The following C7 variants were observed in gnomAD, a reference collection of about 807,000 sequenced individuals.
C7 encodes complement component C7.
Under a neutral mutation model 104.8 loss-of-function variants are expected in C7, and 83 were observed. The ratio of observed to expected loss-of-function variants is 0.79; its 90% CI spans 0.66 to 0.95. C7 has a LOEUF of 0.95. C7 is among the 40% of genes least tolerant of loss of function. The probability of loss-of-function intolerance (pLI) is 0.00; values close to 1 mark genes in which losing one functional copy is unlikely to be tolerated. For synonymous variants in C7, 415 were observed against 360.6 expected, an observed-to-expected ratio of 1.15 and a Z score of -1.71; for missense variants, 1,070 against 1,011.2, an observed-to-expected ratio of 1.06 and a Z score of -0.79.
chr5:40,945,307 G>A lies in C7; in HGVS notation c.677G>A (p.Arg226Lys). The change falls in exon 7 of 18, where the codon AGA becomes AAA. Residue 226 changes from arginine (R) to lysine (K), a missense_variant. Coordinates refer to ENST00000313164, the MANE Select transcript of C7 (RefSeq NM_000587.4). Reference sequence around the variant, plus strand: ...TCTAGTCGGAAGCGCTCCTTTTTTAGATCTTCATCATCTTCTTCACGCAGT... The same window carrying A: ...TCTAGTCGGAAGCGCTCCTTTTTTAAATCTTCATCATCTTCTTCACGCAGT... ...TSSSRKRSFF[R>K]SSSSSSRSYT... The A allele has an allele frequency of 1.9e-6, 3 of 1,609,108 alleles. No homozygotes were observed. Among genetic ancestry groups the A allele is most frequent in the Non-Finnish European group, 2.5e-6 (3 of 1,177,992 alleles).
In C7 at chr5:40,939,655, C is replaced by T. The variant is rs113406011; in HGVS notation, c.567+1965C>T. Among the ~76,000 whole-genome samples the T allele has an allele frequency of 2.2e-3, 339 of 152,208 alleles. 1 individual carries two copies. The highest frequency in any genetic ancestry group is 7.9e-3 in the African/African-American group (326 of 41,522). ...GATAATTTTTTTTCTCCCTCTATAC[C>T]TTAGAGAATATGTTCCTAATTCTTT... On this transcript the variant is annotated intron_variant, in intron 6 of 17. Transcript: ENST00000313164.
intron 1 of C7, among the ~76,000 whole-genome samples, chr5:40,911,777 T>C (rs1910017): frequency 1 from 149,905 of 149,956 alleles, 74,927 homozygotes; most frequent in Middle Eastern, 1. Flanking sequence ...CTCACTCTGT[T>C]GCCCAGGCTG....
At chr5:40,925,871 A>G (rs1467437276) in intron 1 of C7, among the ~76,000 whole-genome samples, 1 of 152,230 alleles carries the variant, frequency 6.6e-6, no homozygotes, top group African/African-American at 2.4e-5. Context: ...ACCCTTCCAA[A>G]AAATTGAAAA....
intron 1 of C7, among the ~76,000 whole-genome samples, chr5:40,928,189 T>C (rs924545230): frequency 3.9e-5 from 6 of 152,174 alleles, no homozygotes; most frequent in African/African-American, 9.6e-5. Context: ...TTCTCACTTA[T>C]ATGATGTAAA....
intron 3 of C7, among the ~76,000 whole-genome samples, chr5:40,933,909 G>A (rs1013613995): frequency 6.6e-6 from 1 of 150,900 alleles, no homozygotes; most frequent in Admixed American, 6.6e-5. Flanking sequence ...TACCCTCTAA[G>A]CTTTACTCAG....
At chr5:40,970,170 T>C (rs887010418) in intron 14 of C7, among the ~76,000 whole-genome samples, 1 of 152,168 alleles carries the variant, frequency 6.6e-6, no homozygotes, top group Non-Finnish European at 1.5e-5. Context: ...GCTACACTGA[T>C]ATATCTCATT....
chr5:40,964,297 C>T (rs1740495394), intron 13 of C7, among the ~76,000 whole-genome samples: 1 of 151,868 alleles, frequency 6.6e-6, no homozygotes, highest in Non-Finnish European at 1.5e-5. Context: ...CCTGCCTTGG[C>T]CTCCCAAAGG....
intron 9 of C7, among the ~76,000 whole-genome samples, chr5:40,951,721 T>C (rs1006520679): frequency 6.6e-5 from 10 of 152,186 alleles, no homozygotes; most frequent in African/African-American, 2.2e-4. Context: ...CTGAGCAGTA[T>C]CAGAGTTTAA....
At chr5:40,945,642 T>C (rs1175865926) in intron 7 of C7, among the ~76,000 whole-genome samples, 1 of 151,974 alleles carries the variant, frequency 6.6e-6, no homozygotes, top group Admixed American at 6.6e-5. Context: ...GTGGATTGCT[T>C]GAGCTTGAGC....
intron 6 of C7, among the ~76,000 whole-genome samples, chr5:40,943,118 T>C (rs775723581): frequency 5.3e-5 from 8 of 152,208 alleles, no homozygotes; most frequent in Non-Finnish European, 1.2e-4. Flanking sequence ...GCAGGTCATC[T>C]AGGCAAGGAA....
rs921231991 is a variant in C7, at chr5:40,983,774, T to C, written c.*2201T>C. Among the ~76,000 whole-genome samples, 7 of 152,194 alleles carry C rather than the reference T, an allele frequency of 4.6e-5. No individual in the cohort carries two copies. The highest frequency in any genetic ancestry group is 5.9e-5 in the Non-Finnish European group (4 of 68,034). Reference sequence around the variant, plus strand: ...TTTGAGGAAAGTTAAGGGAATGATTTTATACCACAAAAATAAATGGAAAAA... The same window carrying C: ...TTTGAGGAAAGTTAAGGGAATGATTCTATACCACAAAAATAAATGGAAAAA... On this transcript the variant is annotated 3_prime_UTR_variant, in exon 18 of 18. Coordinates refer to ENST00000313164, the MANE Select transcript of C7 (RefSeq NM_000587.4).
At chr5:40,964,314 A>G (rs1740495691) in intron 13 of C7, among the ~76,000 whole-genome samples, 1 of 151,996 alleles carries the variant, frequency 6.6e-6, no homozygotes, top group African/African-American at 2.4e-5. Context: ...AAGGGCTAGA[A>G]TTACAGGCAT....
intron 13 of C7, among the ~76,000 whole-genome samples, chr5:40,964,019 A>AGTTTT (rs1249457358): frequency 1.1e-5 from 1 of 87,656 alleles, no homozygotes; most frequent in Non-Finnish European, 2.5e-5. Flanking sequence ...AGCTCATAAT[A>AGTTTT]CTTTTTTTTT....
intron 9 of C7, among the ~76,000 whole-genome samples, chr5:40,954,275 C>A (rs1329884190): frequency 6.6e-6 from 1 of 152,008 alleles, no homozygotes; most frequent in Non-Finnish European, 1.5e-5. Flanking sequence ...GTAATAAATA[C>A]CCATATACCC....
At chr5:40,968,180 C>T (rs992381796) in intron 14 of C7, among the ~76,000 whole-genome samples, 1 of 151,504 alleles carries the variant, frequency 6.6e-6, no homozygotes, top group African/African-American at 2.4e-5. Flanking sequence ...GGCTGGAGTG[C>T]AGTGGTGCGA....
intron 1 of C7, among the ~76,000 whole-genome samples, chr5:40,919,967 T>C (rs1209482609): frequency 6.6e-6 from 1 of 151,584 alleles, no homozygotes; most frequent in Non-Finnish European, 1.5e-5. Context: ...AAAGTTAGCA[T>C]AAGAAAGGAA....
At chr5:40,930,769 T>A (rs1739665328) in intron 2 of C7, among the ~76,000 whole-genome samples, 1 of 151,758 alleles carries the variant, frequency 6.6e-6, no homozygotes, top group Non-Finnish European at 1.5e-5. Flanking sequence ...TTTCACCATG[T>A]AGGCCAGCCT....
chr5:40,966,794 G>A (rs576262025), intron 14 of C7, among the ~76,000 whole-genome samples: 125 of 152,038 alleles, frequency 8.2e-4, no homozygotes, highest in Non-Finnish European at 1.2e-3. Context: ...GTATTCTATC[G>A]TATATATATA....
chr5:40,935,833 G>A (rs1739800164), intron 4 of C7, among the ~76,000 whole-genome samples: 1 of 152,168 alleles, frequency 6.6e-6, no homozygotes, highest in Non-Finnish European at 1.5e-5. Context: ...TAAAGTATAT[G>A]AAAAGCTGGC....
Sources: allele counts gnomAD v4.1 joint callset (sites outside exome capture counted in the v4.1 genomes callset), GRCh38; gene constraint gnomAD v4.1.1; transcripts MANE v1.5; gene names NCBI Gene and HGNC (gene_info 2026-07-23, HGNC 2026-07-21).